The following SNX29 variants were observed in gnomAD, a reference collection of about 807,000 sequenced individuals.
SNX29 encodes the protein sorting nexin 29.
Under a neutral mutation model 102.1 loss-of-function variants are expected in SNX29, and 78 were observed. The ratio of observed to expected loss-of-function variants is 0.76; its 90% CI spans 0.64 to 0.92. The LOEUF is 0.92. Ranked by LOEUF, SNX29 falls within the 40% of genes least tolerant of loss-of-function variation. SNX29 has a pLI of 0.00. For synonymous variants in SNX29, 580 were observed against 414.5 expected (o/e 1.40, Z -4.85); for missense variants, 1,280 against 1,061.7 (o/e 1.21, Z -2.86).
intron 15 of SNX29, among the ~76,000 whole-genome samples, chr16:12,289,782 T>C (rs2151057543): frequency 6.6e-6 from 1 of 152,252 alleles, no homozygotes; most frequent in African/African-American, 2.4e-5. Context: ...GCCTTCCTCT[T>C]TGAGGCGGGA....
intron 20 of SNX29, 111 bp from the exon 21 acceptor site, chr16:12,568,395 C>T: frequency 7.0e-7 from 1 of 1,419,148 alleles, no homozygotes; most frequent in Non-Finnish European, 9.6e-7. Flanking sequence ...ATGAGCCAGT[C>T]ACAGTTGCCA....
chr16:12,347,933 G>A (rs1028520759), intron 15 of SNX29, among the ~76,000 whole-genome samples: 4 of 143,494 alleles, frequency 2.8e-5, no homozygotes, highest in Admixed American at 6.9e-5. Flanking sequence ...AAAAAAAATA[G>A]GTGAGCATGG....
At chr16:12,562,277 G>T (rs1456945030) in intron 20 of SNX29, among the ~76,000 whole-genome samples, 2 of 152,126 alleles carry the variant, frequency 1.3e-5, no homozygotes, top group East Asian at 1.9e-4. Context: ...CATGGGCCAC[G>T]CTCTATCCCA....
rs763753666 is a variant in SNX29, at chr16:12,135,555, C to T, written c.1595+5797C>T. 7.5e-6 allele frequency: 10 copies of T among 1,327,882 alleles called. No homozygotes were observed. In the South Asian group the frequency reaches 9.8e-5, roughly 13 times the overall value. The allele number at this position is 1,327,882 out of a possible 1,614,324, so 82.3% of individuals were successfully genotyped here. Reference sequence around the variant, plus strand: ...TCTTTGCTATTTTGTTGGCAGCTATCTTTGCTATTTTGTGAGGAGATTCTA... The same window carrying T: ...TCTTTGCTATTTTGTTGGCAGCTATTTTTGCTATTTTGTGAGGAGATTCTA... On this transcript the variant is annotated intron_variant, in intron 13 of 20. Coordinates refer to ENST00000566228, the MANE Select transcript of SNX29 (RefSeq NM_032167.5).
chr16:12,084,225 A>G (rs1349842030), intron 11 of SNX29, among the ~76,000 whole-genome samples: 2 of 151,852 alleles, frequency 1.3e-5, no homozygotes, highest in African/African-American at 4.8e-5. Flanking sequence ...GGGTCACTGA[A>G]ACCTCCGCCT....
chr16:12,399,285 C>G (rs1021219593), intron 17 of SNX29, among the ~76,000 whole-genome samples: 3 of 152,180 alleles, frequency 2.0e-5, no homozygotes, highest in Non-Finnish European at 4.4e-5. Context: ...CTCCTGACCT[C>G]AGGTGATCCA....
chr16:12,258,482 C>T (rs1346505084), intron 14 of SNX29, among the ~76,000 whole-genome samples: 2 of 152,144 alleles, frequency 1.3e-5, no homozygotes, highest in Non-Finnish European at 2.9e-5. Flanking sequence ...CTGAGGCACC[C>T]TCTCCAGTGT....
intron 4 of SNX29, among the ~76,000 whole-genome samples, chr16:12,031,111 C>G (rs1237867148): frequency 6.6e-6 from 1 of 151,820 alleles, no homozygotes; most frequent in East Asian, 1.9e-4. Context: ...CTTGCTCTGT[C>G]GCCCAGGCTA....
chr16:12,112,195 G>A (rs1405171890), intron 11 of SNX29, among the ~76,000 whole-genome samples: 1 of 152,182 alleles, frequency 6.6e-6, no homozygotes, highest in Non-Finnish European at 1.5e-5. Context: ...GGAGGAAGGG[G>A]AGCTGCCAGC....
At chr16:12,514,541 C>T (rs1006501818) in intron 19 of SNX29, among the ~76,000 whole-genome samples, 1 of 152,324 alleles carries the variant, frequency 6.6e-6, no homozygotes, top group Non-Finnish European at 1.5e-5. Context: ...TGAGTATCAG[C>T]TTCATTCTTC....
At chr16:12,437,549 G>A (rs948181378) in intron 18 of SNX29, among the ~76,000 whole-genome samples, 2 of 152,162 alleles carry the variant, frequency 1.3e-5, no homozygotes, top group Non-Finnish European at 2.9e-5. Context: ...GGGCAGAATG[G>A]GGCTGGCAGG....
chr16:12,433,077 A>G (rs1242038997), intron 18 of SNX29, among the ~76,000 whole-genome samples: 1 of 152,170 alleles, frequency 6.6e-6, no homozygotes, highest in Admixed American at 6.5e-5. Context: ...CCCCAGGGAA[A>G]CAAAACCAAT....
chr16:12,573,753 C>T lies in SNX29; in HGVS notation c.*5124C>T, dbSNP rs1372061892. 15 of 223,224 alleles carry T rather than the reference C, an allele frequency of 6.7e-5. No homozygotes were observed. Among genetic ancestry groups the T allele is most frequent in the South Asian group, 1.8e-4 (1 of 5,424 alleles). 13.8% of individuals were successfully genotyped at this position (223,224 alleles called of 1,614,324 possible). On this transcript the variant is annotated 3_prime_UTR_variant, in exon 21 of 21. Transcript: ENST00000566228. ...GATCGTACATTTGCACCCAGAGCTA[C>T]TAAACGCTCAGTGACCCCAGAGACC... is the stretch of plus-strand genomic sequence containing the variant.
chr16:12,498,586 A>G (rs531079487), intron 19 of SNX29, among the ~76,000 whole-genome samples: 12 of 152,338 alleles, frequency 7.9e-5, no homozygotes, highest in Middle Eastern at 3.4e-3. Context: ...ACAGTGGGAA[A>G]TTAAACAGTT....
chr16:12,558,061 T>C (rs180998258), intron 20 of SNX29, among the ~76,000 whole-genome samples: 83 of 152,310 alleles, frequency 5.4e-4, no homozygotes, highest in South Asian at 2.5e-3. Context: ...AACAGAGACA[T>C]GATTGTGCTC....
rs146992137 is a variant in SNX29 at position 12,243,153 on chromosome 16, G to A, written c.1679-34780G>A. Among the ~76,000 whole-genome samples the A allele has an allele frequency of 5.9e-4, 90 of 152,376 alleles. 1 individual carries two copies. The highest frequency in any genetic ancestry group is 2.1e-4 in the Non-Finnish European group (14 of 68,046). ...CTTCTCGCTCTTTCTGTATCTTTCA[G>A]TGCAGGCCTGGCATCTCTTGGGCAC... On this transcript the variant is annotated intron_variant, in intron 14 of 20. Transcript: ENST00000566228.
At chr16:12,487,261 C>T (rs766483080) in intron 19 of SNX29, among the ~76,000 whole-genome samples, 1 of 152,138 alleles carries the variant, frequency 6.6e-6, no homozygotes, top group Admixed American at 6.5e-5. Flanking sequence ...TCATCCCCAG[C>T]GATGCCAGGA....
At chr16:12,080,096 G>A (rs771082102) in intron 11 of SNX29, among the ~76,000 whole-genome samples, 1 of 152,066 alleles carries the variant, frequency 6.6e-6, no homozygotes, top group African/African-American at 2.4e-5. Context: ...TGGGCTCTTG[G>A]TACAAAAACG....
intron 15 of SNX29, among the ~76,000 whole-genome samples, chr16:12,341,156 G>A (rs1315070602): frequency 6.6e-6 from 1 of 152,172 alleles, no homozygotes; most frequent in Non-Finnish European, 1.5e-5. Flanking sequence ...TGTATTTGGG[G>A]CTTTCACAGA....
Sources: gnomAD v4.1 joint callset for allele counts (sites outside exome capture counted in the v4.1 genomes callset) on GRCh38, gnomAD v4.1.1 for gene constraint, MANE v1.5 for transcripts, NCBI Gene and HGNC (gene_info 2026-07-23, HGNC 2026-07-21) for gene names.